Variants in RGS7 observed in about 807,000 individuals in gnomAD.
RGS7 encodes the protein regulator of G-protein signaling 7.
Under a neutral mutation model 81.1 loss-of-function variants are expected in RGS7, and 27 were observed. The ratio of observed to expected loss-of-function variants is 0.33; its 90% CI spans 0.25 to 0.46. RGS7 has a LOEUF of 0.46. Among genes scored for constraint, RGS7 ranks in the 20% least tolerant of loss-of-function variants. The pLI, the probability that RGS7 is intolerant of heterozygous loss-of-function variation, is 1.00. For synonymous variants in RGS7, 208 were observed against 207.7 expected (o/e 1.00, Z -0.01); for missense variants, 396 against 607.4 (o/e 0.65, Z 3.66).
chr1:240,920,513 C>T (rs1209363137), intron 6 of RGS7: 2 of 858,866 alleles, frequency 2.3e-6, no homozygotes, highest in South Asian at 1.3e-5. Flanking sequence ...GCTCTGGCCT[C>T]TATGGTGATG....
At chr1:241,301,445 T>G (rs1321622557) in intron 2 of RGS7, among the ~76,000 whole-genome samples, 1 of 152,228 alleles carries the variant, frequency 6.6e-6, no homozygotes, top group Non-Finnish European at 1.5e-5. Flanking sequence ...TTATTCTTGA[T>G]TGAAGTTTTC....
At chr1:240,861,656 T>C (rs1366860910) in intron 9 of RGS7, among the ~76,000 whole-genome samples, 1 of 152,180 alleles carries the variant, frequency 6.6e-6, no homozygotes, top group South Asian at 2.1e-4. Flanking sequence ...CAACTCTGTT[T>C]AATAACATTT....
chr1:240,934,472 C>G (rs1283883916), intron 5 of RGS7, among the ~76,000 whole-genome samples: 1 of 152,136 alleles, frequency 6.6e-6, no homozygotes, highest in Non-Finnish European at 1.5e-5. Context: ...TATTGGAACT[C>G]TTCAAATATG....
intron 9 of RGS7, among the ~76,000 whole-genome samples, chr1:240,834,593 C>A (rs1366319330): frequency 6.6e-6 from 1 of 152,164 alleles, no homozygotes; most frequent in African/African-American, 2.4e-5. Flanking sequence ...TCACTGCAAG[C>A]TCCGCCTCCC....
intron 3 of RGS7, among the ~76,000 whole-genome samples, chr1:241,093,776 G>C (rs2064053785): frequency 6.6e-6 from 1 of 152,052 alleles, no homozygotes. Flanking sequence ...CCATACTCCA[G>C]AGTGGCATTT....
chr1:241,320,424 C>G (rs2081142012), intron 2 of RGS7, among the ~76,000 whole-genome samples: 1 of 152,180 alleles, frequency 6.6e-6, no homozygotes, highest in African/African-American at 2.4e-5. Context: ...AAGCACAGTG[C>G]CTTCTGAATA....
chr1:240,796,075 C>G (rs996819792), intron 18 of RGS7, among the ~76,000 whole-genome samples: 11 of 152,306 alleles, frequency 7.2e-5, no homozygotes, highest in African/African-American at 2.6e-4. Context: ...GCATGAGCCA[C>G]TGCACCCGGC....
intron 6 of RGS7, among the ~76,000 whole-genome samples, chr1:240,892,980 C>T (rs1209711546): frequency 6.6e-6 from 1 of 151,982 alleles, no homozygotes; most frequent in African/African-American, 2.4e-5. Flanking sequence ...TTTCAAGAAT[C>T]AAGAACACTT....
chr1:241,237,180 A>T (rs2076025463), intron 2 of RGS7, among the ~76,000 whole-genome samples: 1 of 152,244 alleles, frequency 6.6e-6, no homozygotes, highest in African/African-American at 2.4e-5. Context: ...TTGCCATATT[A>T]CTAAAACATG....
intron 3 of RGS7, among the ~76,000 whole-genome samples, chr1:240,997,591 G>A (rs1047219324): frequency 4.6e-5 from 7 of 152,170 alleles, no homozygotes; most frequent in Admixed American, 6.5e-5. Context: ...TTGGGGGACC[G>A]AGGTGGGCAG....
intron 4 of RGS7, among the ~76,000 whole-genome samples, chr1:240,938,206 T>A (rs1676966432): frequency 6.6e-6 from 1 of 152,150 alleles, no homozygotes; most frequent in South Asian, 2.1e-4. Flanking sequence ...ATCTGTGGAT[T>A]TTTGATCATG....
At chr1:241,245,112 A>C (rs2076456789) in intron 2 of RGS7, among the ~76,000 whole-genome samples, 1 of 152,174 alleles carries the variant, frequency 6.6e-6, no homozygotes, top group Non-Finnish European at 1.5e-5. Context: ...AATAATAAAA[A>C]AGAAAGAAAG....
At chr1:240,964,812 T>C (rs992717638) in intron 4 of RGS7, among the ~76,000 whole-genome samples, 1 of 152,204 alleles carries the variant, frequency 6.6e-6, no homozygotes, top group Admixed American at 6.5e-5. Context: ...CATTTTGACA[T>C]CAGAGATGAA....
intron 3 of RGS7, among the ~76,000 whole-genome samples, chr1:241,094,005 A>G (rs1228797596): frequency 1.3e-5 from 2 of 152,182 alleles, no homozygotes; most frequent in African/African-American, 4.8e-5. Flanking sequence ...TGGAGGATTG[A>G]AGGAGATGAA....
chr1:241,351,219 G>C (rs1297456903), intron 2 of RGS7, among the ~76,000 whole-genome samples: 3 of 151,908 alleles, frequency 2.0e-5, no homozygotes, highest in African/African-American at 7.3e-5. Flanking sequence ...AGGAATTCAA[G>C]ACCACCCTGG....
rs182767715 is a variant in RGS7, at chr1:241,172,817, T to C, written c.79-74055A>G. Among the ~76,000 whole-genome samples, 30 of 152,370 alleles carry C rather than the reference T, an allele frequency of 2.0e-4. No individual in the cohort carries two copies. The East Asian group carries it at 3.3e-3, about 17-fold the overall frequency. On this transcript the variant is annotated intron_variant, in intron 2 of 18. Transcript: ENST00000440928. ...AAGAGAATGCAATAAGTAGTGGAGA[T>C]GATTTACCAGTAACTGTGCTATTGT...
intron 2 of RGS7, among the ~76,000 whole-genome samples, chr1:241,250,355 T>C (rs1411828835): frequency 6.6e-6 from 1 of 152,206 alleles, no homozygotes. Flanking sequence ...TATGGTTCAA[T>C]TGTGTAATCG....
rs923629065 is a variant in RGS7, at chr1:241,051,033, C to G, written c.175+47633G>C. On this transcript the variant is annotated intron_variant, in intron 3 of 18. Coordinates refer to ENST00000440928, the MANE Select transcript of RGS7 (RefSeq NM_001364886.1). ...TTGTTCAAAGGTCAACTGTAAAATC[C>G]TAGGTTATGAGGGTCTCTACTTGTA... Among the ~76,000 whole-genome samples, 76 of 152,050 alleles carry G rather than the reference C, an allele frequency of 5.0e-4. 1 individual carries two copies. Among genetic ancestry groups the G allele is most frequent in the Non-Finnish European group, 2.1e-4 (14 of 68,022 alleles).
chr1:241,156,187 G>GATAGAT (rs2069136224), intron 2 of RGS7, among the ~76,000 whole-genome samples: 1 of 149,544 alleles, frequency 6.7e-6, no homozygotes, highest in African/African-American at 2.5e-5. Context: ...TACATAGACA[G>GATAGAT]ACAGACAGAA....
Sources: gnomAD v4.1 joint callset for allele counts (sites outside exome capture counted in the v4.1 genomes callset) on GRCh38, gnomAD v4.1.1 for gene constraint, MANE v1.5 for transcripts, NCBI Gene and HGNC (gene_info 2026-07-23, HGNC 2026-07-21) for gene names.